The following TSHR variants were observed in gnomAD, a reference collection of about 807,000 sequenced individuals.
TSHR encodes the protein thyroid stimulating hormone receptor, also known as thyrotropin receptor.
In TSHR, 51 loss-of-function variants were observed where a neutral mutation model predicts 64.1. That is an observed-to-expected ratio of 0.80 (90% CI 0.64 to 1.01). The LOEUF (loss-of-function observed/expected upper bound fraction) is 1.01, where lower values mean the gene tolerates loss of function less well. TSHR is among the 50% of genes least tolerant of loss of function. TSHR has a pLI of 0.00. For synonymous variants in TSHR, 361 were observed against 361.9 expected, an observed-to-expected ratio of 1.00 and a Z score of 0.03; for missense variants, 877 against 942.8, an observed-to-expected ratio of 0.93 and a Z score of 0.91.
At chr14:81,032,576 C>A in intron 1 of TSHR, 2 of 442,530 alleles carry the variant, frequency 4.5e-6, no homozygotes, top group Non-Finnish European at 9.0e-6. Flanking sequence ...CTTGTGGCTC[C>A]TTCAATCCTG....
At chr14:81,079,157 T>G (rs1379884193) in intron 3 of TSHR, among the ~76,000 whole-genome samples, 2 of 152,240 alleles carry the variant, frequency 1.3e-5, no homozygotes, top group East Asian at 3.8e-4. Flanking sequence ...TCAGCGAGGA[T>G]ACTGTTTGGA....
Position 81,091,050 on chromosome 14 carries a change from C to CT in TSHR, c.393-12dup. The stretch of plus-strand genomic sequence containing the variant: ...ACCTAAATTCTATGCTTTTTTTTCT[C>CT]TTTTTTTCATTAATTTAGTGGCATT... On this transcript the variant is annotated intron_variant, in intron 4 of 9. Coordinates refer to ENST00000298171, the MANE Select transcript of TSHR (RefSeq NM_000369.5). 4 of 1,601,944 alleles carry CT rather than the reference C, an allele frequency of 2.5e-6. No individual in the cohort carries two copies. Among genetic ancestry groups the CT allele is most frequent in the Non-Finnish European group, 3.4e-6 (4 of 1,173,608 alleles).
chr14:81,078,128 T>C (rs1297192197), intron 3 of TSHR, among the ~76,000 whole-genome samples: 2 of 152,188 alleles, frequency 1.3e-5, no homozygotes, highest in Non-Finnish European at 2.9e-5. Context: ...GTTCAACATA[T>C]TTAATATTTC....
At chr14:80,985,746 G>T (rs1888413772) in intron 1 of TSHR, among the ~76,000 whole-genome samples, 1 of 152,172 alleles carries the variant, frequency 6.6e-6, no homozygotes, top group Non-Finnish European at 1.5e-5. Flanking sequence ...CTTCCCCCCA[G>T]TTGTGTATTG....
chr14:81,141,992 T>C (rs1367100388), intron 9 of TSHR, among the ~76,000 whole-genome samples: 3 of 152,194 alleles, frequency 2.0e-5, no homozygotes, highest in East Asian at 3.9e-4. Context: ...CATTGTCCCA[T>C]GTTACAAATG....
chr14:80,979,002 G>C (rs1254518692), intron 1 of TSHR, among the ~76,000 whole-genome samples: 2 of 152,126 alleles, frequency 1.3e-5, no homozygotes, highest in African/African-American at 4.8e-5. Flanking sequence ...TCATCCAATT[G>C]CTCACTAAAA....
chr14:81,107,740 A>G (rs1889985681), intron 7 of TSHR, among the ~76,000 whole-genome samples: 1 of 152,236 alleles, frequency 6.6e-6, no homozygotes, highest in Admixed American at 6.5e-5. Flanking sequence ...CAGGCCACCC[A>G]ATACAATTTG....
intron 7 of TSHR, chr14:81,104,281 C>T: frequency 1.0e-6 from 1 of 985,384 alleles, no homozygotes; most frequent in Non-Finnish European, 1.2e-6. Flanking sequence ...TCTGAATTAG[C>T]AACGCTGTGG....
chr14:81,079,642 A>G (rs1429229936), intron 3 of TSHR, among the ~76,000 whole-genome samples: 1 of 152,226 alleles, frequency 6.6e-6, no homozygotes, highest in Non-Finnish European at 1.5e-5. Flanking sequence ...GCTTGAGCCC[A>G]GGAGTTTGAG....
At position 81,088,002 on chromosome 14, in the gene TSHR, C is replaced by A; in HGVS notation, c.366C>A (p.Leu122=). Reference sequence around the variant, plus strand: ...TAACTTACATAGACCCTGATGCCCTCAAAGAGCTCCCCCTCCTAAAGTTCC... The same window carrying A: ...TAACTTACATAGACCCTGATGCCCTAAAAGAGCTCCCCCTCCTAAAGTTCC... ...RNLTYIDPDA[L]KELPLLKFLG... Residue 122 remains leucine, a synonymous_variant, in exon 4 of 10, where the codon CTC becomes CTA. Transcript: ENST00000298171. The A allele has an allele frequency of 6.2e-7, 1 of 1,613,864 alleles. No individual in the cohort carries two copies. Among genetic ancestry groups the A allele is most frequent in the Non-Finnish European group, 8.5e-7 (1 of 1,179,784 alleles).
Position 81,126,313 on chromosome 14 carries a change from A to C in TSHR, c.693-13366A>C, listed in dbSNP as rs1891018312. Among the ~76,000 whole-genome samples the C allele has an allele frequency of 2.6e-5, 4 of 152,192 alleles. 1 individual carries two copies. Among genetic ancestry groups the C allele is most frequent in the African/African-American group, 2.4e-5 (1 of 41,442 alleles). On this transcript the variant is annotated intron_variant, in intron 8 of 9. Transcript: ENST00000298171. ...CTTTGTAGCTCTTCAACTGACTAAC[A>C]GTGCAACTACTATCATCCCCGAAAG...
intron 1 of TSHR, among the ~76,000 whole-genome samples, chr14:81,007,615 G>C (rs1889670820): frequency 6.6e-6 from 1 of 152,220 alleles, no homozygotes; most frequent in East Asian, 1.9e-4. Flanking sequence ...CTGAGATGCT[G>C]TTTATCAGGT....
rs1171735785 is a variant in TSHR, at chr14:81,103,527, C to T, written c.615-4848C>T. Reference sequence around the variant, plus strand: ...CAGCCAAGCTGGACAAATTCCACATCGAGTGCAAGTGCTGATGCCTCAGCA... The same window carrying T: ...CAGCCAAGCTGGACAAATTCCACATTGAGTGCAAGTGCTGATGCCTCAGCA... On this transcript the variant is annotated intron_variant, in intron 7 of 9. Transcript: ENST00000298171. The surrounding 1 kb of genome is among the most constrained non-coding windows in gnomAD (Gnocchi z 4.1). The T allele has an allele frequency of 3.9e-5, 38 of 985,436 alleles. No homozygotes were observed. Among genetic ancestry groups the T allele is most frequent in the South Asian group, 4.7e-5 (1 of 21,284 alleles). The allele number at this position is 985,436 out of a possible 1,614,324, so 61.0% of individuals were successfully genotyped here.
In TSHR at chr14:81,123,742, G is replaced by C. The variant is rs1595152163; in HGVS notation, c.692+15290G>C. On this transcript the variant is annotated intron_variant, in intron 8 of 9. Transcript: ENST00000298171. Reference sequence around the variant, plus strand: ...AAAGATAATCTAATTTAAAGCAGGTGCAATATCTAGAGTCAGAGGATCTAT... The same window carrying C: ...AAAGATAATCTAATTTAAAGCAGGTCCAATATCTAGAGTCAGAGGATCTAT... Among the ~76,000 whole-genome samples, 6 of 152,134 alleles carry C rather than the reference G, an allele frequency of 3.9e-5. No homozygotes were observed. The South Asian group carries it at 1.2e-3, about 31-fold the overall frequency.
chr14:81,029,275 A>T (rs1884227322), intron 1 of TSHR, among the ~76,000 whole-genome samples: 1 of 152,102 alleles, frequency 6.6e-6, no homozygotes, highest in African/African-American at 2.4e-5. Flanking sequence ...AATTATGAGG[A>T]CATATTTTCC....
intron 1 of TSHR, among the ~76,000 whole-genome samples, chr14:81,034,732 A>G (rs1490644756): frequency 6.6e-6 from 1 of 152,238 alleles, no homozygotes; most frequent in Non-Finnish European, 1.5e-5. Context: ...ATAGCTTTTT[A>G]TAGAATCGTT....
At chr14:80,984,691 C>T (rs1245562628) in intron 1 of TSHR, among the ~76,000 whole-genome samples, 2 of 152,142 alleles carry the variant, frequency 1.3e-5, no homozygotes, top group East Asian at 3.9e-4. Context: ...TAACTTCCTC[C>T]ACATGCATGT....
intron 1 of TSHR, among the ~76,000 whole-genome samples, chr14:80,991,124 A>C (rs1295929434): frequency 6.6e-6 from 1 of 152,230 alleles, no homozygotes; most frequent in African/African-American, 2.4e-5. Flanking sequence ...ATATGATGTT[A>C]TGATTCTACA....
At chr14:81,134,426 G>A (rs1054068501) in intron 8 of TSHR, among the ~76,000 whole-genome samples, 1 of 152,188 alleles carries the variant, frequency 6.6e-6, no homozygotes, top group Non-Finnish European at 1.5e-5. Flanking sequence ...GTGAGCCACC[G>A]CACCCAACCA....
Sources: gnomAD v4.1 joint callset for allele counts (sites outside exome capture counted in the v4.1 genomes callset) on GRCh38, gnomAD v4.1.1 for gene constraint, Gnocchi (gnomAD v3.1) non-coding constraint, MANE v1.5 for transcripts, NCBI Gene and HGNC (gene_info 2026-07-23, HGNC 2026-07-21) for gene names.